The following EYA1 variants were observed in gnomAD, a reference collection of about 807,000 sequenced individuals.
EYA1 encodes EYA transcriptional coactivator and phosphatase 1, also known as protein phosphatase EYA1.
In EYA1, 16 loss-of-function variants were observed where a neutral mutation model predicts 82.0. The ratio of observed to expected loss-of-function variants is 0.20; its 90% CI spans 0.13 to 0.30. The LOEUF (loss-of-function observed/expected upper bound fraction) is 0.30. Among genes scored for constraint, EYA1 ranks in the 10% least tolerant of loss-of-function variants. The pLI is 1.00. For synonymous variants in EYA1, 261 were observed against 264.4 expected (o/e 0.99, Z 0.12); for missense variants, 633 against 730.7 (o/e 0.87, Z 1.54).
At chr8:71,211,769 C>G (rs188165421) in intron 16 of EYA1, among the ~76,000 whole-genome samples, 3 of 152,102 alleles carry the variant, frequency 2.0e-5, no homozygotes, top group Admixed American at 6.6e-5. Context: ...ACGCAAACAT[C>G]GGAATTAGCT....
intron 2 of EYA1, among the ~76,000 whole-genome samples, chr8:71,492,069 G>A (rs1406899001): frequency 6.6e-6 from 1 of 152,132 alleles, no homozygotes; most frequent in East Asian, 1.9e-4. Context: ...TTGGCAAATG[G>A]GTCTCAGGTT....
At chr8:71,406,813 G>A (rs1363749506) in intron 2 of EYA1, among the ~76,000 whole-genome samples, 9 of 146,358 alleles carry the variant, frequency 6.1e-5, no homozygotes, top group Non-Finnish European at 1.1e-4. Flanking sequence ...GCCCGCCATT[G>A]CCCAGGCTTG....
At chr8:71,489,847 G>A (rs1810865020) in intron 2 of EYA1, among the ~76,000 whole-genome samples, 1 of 152,232 alleles carries the variant, frequency 6.6e-6, no homozygotes, top group Non-Finnish European at 1.5e-5. Flanking sequence ...AGCTGCTGCT[G>A]ATTCCAAACC....
chr8:71,444,975 T>C (rs376411388), intron 2 of EYA1, among the ~76,000 whole-genome samples: 2 of 152,198 alleles, frequency 1.3e-5, no homozygotes, highest in African/African-American at 4.8e-5. Context: ...ATGTGTGAAA[T>C]TGGAGAGAAG....
At chr8:71,525,529 C>A (rs116642858) in intron 2 of EYA1, among the ~76,000 whole-genome samples, 107 of 152,046 alleles carry the variant, frequency 7.0e-4, no homozygotes, top group African/African-American at 2.2e-3. Context: ...ATATTTTGCC[C>A]ACCTAATTTC....
At chr8:71,377,938 T>C (rs1259464633) in intron 2 of EYA1, among the ~76,000 whole-genome samples, 1 of 152,090 alleles carries the variant, frequency 6.6e-6, no homozygotes, top group Non-Finnish European at 1.5e-5. Context: ...CAAAACCACC[T>C]TTTGCCTCAT....
At chr8:71,305,142 T>C (rs1820586804) in intron 7 of EYA1, among the ~76,000 whole-genome samples, 1 of 143,286 alleles carries the variant, frequency 7.0e-6, no homozygotes, top group Non-Finnish European at 1.6e-5. Context: ...CACAGAATTA[T>C]TTGTAATGTT....
At chr8:71,247,307 C>T (rs1813223900) in intron 11 of EYA1, among the ~76,000 whole-genome samples, 1 of 152,168 alleles carries the variant, frequency 6.6e-6, no homozygotes, top group Non-Finnish European at 1.5e-5. Flanking sequence ...TGGTGCAATT[C>T]ACTCACCTCA....
chr8:71,442,870 G>C (rs1230221305), intron 2 of EYA1, among the ~76,000 whole-genome samples: 1 of 152,094 alleles, frequency 6.6e-6, no homozygotes, highest in Non-Finnish European at 1.5e-5. Context: ...TTTTATCTCT[G>C]ATATACTTTT....
upstream of EYA1, chr8:71,362,284 TA>T (rs35162278): frequency 0.11 from 71,202 of 649,140 alleles, 1,448 homozygotes; most frequent in Middle Eastern, 0.16. Context: ...CCTTGCTGTT[TA>T]AAAAAAAAAA....
chr8:71,260,437 CT>C (rs1209681492), intron 11 of EYA1, among the ~76,000 whole-genome samples: 3 of 152,126 alleles, frequency 2.0e-5, no homozygotes, highest in Non-Finnish European at 4.4e-5. Flanking sequence ...TAATGTATGT[CT>C]TTTGTATCTC....
At chr8:71,513,225 G>A (rs1267906472) in intron 2 of EYA1, among the ~76,000 whole-genome samples, 1 of 152,054 alleles carries the variant, frequency 6.6e-6, no homozygotes, top group African/African-American at 2.4e-5. Context: ...TAAATTCACT[G>A]AAATAGTACA....
At chr8:71,517,724 T>TATAG (rs1813078062) in intron 2 of EYA1, among the ~76,000 whole-genome samples, 1 of 148,472 alleles carries the variant, frequency 6.7e-6, no homozygotes, top group Non-Finnish European at 1.5e-5. Context: ...TATATATATA[T>TATAG]ATAACTGTAT....
At chr8:71,315,279 TTGAC>T (rs1821791086) in intron 7 of EYA1, among the ~76,000 whole-genome samples, 1 of 152,256 alleles carries the variant, frequency 6.6e-6, no homozygotes, top group South Asian at 2.1e-4. Flanking sequence ...AAATTTATTA[TTGAC>T]TGACTATGAA....
At chr8:71,482,459 C>G (rs1421693710) in intron 2 of EYA1, among the ~76,000 whole-genome samples, 2 of 152,178 alleles carry the variant, frequency 1.3e-5, no homozygotes, top group African/African-American at 4.8e-5. Context: ...ACTGGTTCAA[C>G]CACATTGAAA....
chr8:71,289,972 G>A (rs1397664121), intron 9 of EYA1, among the ~76,000 whole-genome samples: 1 of 152,122 alleles, frequency 6.6e-6, no homozygotes, highest in Admixed American at 6.5e-5. Flanking sequence ...CAGTTGTTAA[G>A]TATATGTTTA....
At chr8:71,234,066 C>A (rs1383284532) in intron 12 of EYA1, among the ~76,000 whole-genome samples, 2 of 152,186 alleles carry the variant, frequency 1.3e-5, no homozygotes, top group Non-Finnish European at 1.5e-5. Flanking sequence ...ACCAAATCCC[C>A]ACTCCTGGAC....
chr8:71,480,720 TG>T (rs1810075278), intron 2 of EYA1, among the ~76,000 whole-genome samples: 1 of 151,660 alleles, frequency 6.6e-6, no homozygotes, highest in African/African-American at 2.4e-5. Context: ...TATATCTGCA[TG>T]AAAAAAAAAC....
rs552576803 is a variant in EYA1 at position 71,472,557 on chromosome 8, A to G, written c.33+63187T>C. Reference sequence around the variant, plus strand: ...ATTATTATTATGCTGGAAACTGAGTACTTCACAGTGTACAATCTCACAACA... The same window carrying G: ...ATTATTATTATGCTGGAAACTGAGTGCTTCACAGTGTACAATCTCACAACA... On this transcript the variant is annotated intron_variant, in intron 2 of 18. Transcript: ENST00000643681. Among the ~76,000 whole-genome samples the G allele has an allele frequency of 3.2e-3, 486 of 152,108 alleles. 3 individuals carry two copies. Among genetic ancestry groups the G allele is most frequent in the African/African-American group, 0.011 (474 of 41,516 alleles).
Sources: allele counts gnomAD v4.1 joint callset (sites outside exome capture counted in the v4.1 genomes callset), GRCh38; gene constraint gnomAD v4.1.1; transcripts MANE v1.5; gene names NCBI Gene and HGNC (gene_info 2026-07-23, HGNC 2026-07-21).